Variants in C2CD5 observed in about 807,000 individuals in gnomAD.
The protein encoded by C2CD5 is C2 calcium dependent domain containing 5.
In C2CD5, 109 loss-of-function variants were observed where a neutral mutation model predicts 130.3. The ratio of observed to expected loss-of-function variants is 0.84; its 90% CI spans 0.72 to 0.98. The LOEUF (loss-of-function observed/expected upper bound fraction) is 0.98, where lower values mean the gene tolerates loss of function less well. C2CD5 is among the 50% of genes least tolerant of loss of function. The pLI is 0.00. For synonymous variants in C2CD5, 454 were observed against 429.2 expected, an observed-to-expected ratio of 1.06 and a Z score of -0.71; for missense variants, 996 against 1,261.8, an observed-to-expected ratio of 0.79 and a Z score of 3.19.
intron 22 of C2CD5, among the ~76,000 whole-genome samples, chr12:22,462,841 C>G (rs1244661480): frequency 1.3e-5 from 2 of 152,154 alleles, no homozygotes; most frequent in Non-Finnish European, 2.9e-5. Flanking sequence ...AATCTCAGCA[C>G]TTTGGGAAAC....
chr12:22,476,982 T>C (rs1943935885), intron 15 of C2CD5, among the ~76,000 whole-genome samples: 1 of 152,122 alleles, frequency 6.6e-6, no homozygotes, highest in African/African-American at 2.4e-5. Context: ...AGAGAACTTT[T>C]ACAAAGTCTA....
At position 22,456,990 on chromosome 12, in the gene C2CD5, TCTCGAATA is replaced by T; in HGVS notation, c.2850_2857del (p.Phe950LeufsTer21). 1 of 1,593,030 alleles carries T rather than the reference TCTCGAATA, an allele frequency of 6.3e-7. No homozygotes were observed. Among genetic ancestry groups the T allele is most frequent in the Non-Finnish European group, 8.6e-7 (1 of 1,167,896 alleles). On this transcript the variant is annotated frameshift_variant, in exon 25 of 27. Coordinates refer to ENST00000446597, the MANE Select transcript of C2CD5 (RefSeq NM_001286176.2). LOFTEE classifies it high-confidence loss of function. ...AATTACCTCCCGAAGAGAAGTAGTC[TCTCGAATA>T]AAAAACATGTTAATTATCCCAAGAT...
At chr12:22,450,095 A>C (rs1178310488) in intron 26 of C2CD5, among the ~76,000 whole-genome samples, 1 of 152,136 alleles carries the variant, frequency 6.6e-6, no homozygotes, top group Non-Finnish European at 1.5e-5. Flanking sequence ...TGAACATATG[A>C]AAACATATTC....
At chr12:22,534,437 A>C (rs1449546125) in intron 3 of C2CD5, among the ~76,000 whole-genome samples, 2 of 152,226 alleles carry the variant, frequency 1.3e-5, no homozygotes, top group Non-Finnish European at 2.9e-5. Context: ...AAGTAAAAAG[A>C]CAACCTATTG....
intron 8 of C2CD5, among the ~76,000 whole-genome samples, chr12:22,513,786 G>T (rs573248674): frequency 2.6e-5 from 4 of 152,108 alleles, no homozygotes; most frequent in Admixed American, 6.5e-5. Flanking sequence ...TAAATATAGA[G>T]ACAAAAGCAC....
chr12:22,512,399 A>G (rs192736227), intron 9 of C2CD5, among the ~76,000 whole-genome samples: 14 of 152,296 alleles, frequency 9.2e-5, no homozygotes, highest in African/African-American at 2.9e-4. Flanking sequence ...TCCAAATCAG[A>G]CATAATGAAA....
intron 7 of C2CD5, among the ~76,000 whole-genome samples, chr12:22,520,811 T>C (rs1006321669): frequency 1.3e-5 from 2 of 152,110 alleles, no homozygotes; most frequent in Non-Finnish European, 2.9e-5. Context: ...AAGGGATTTA[T>C]AGTGTGCATG....
Position 22,527,766 on chromosome 12 carries a change from C to A in C2CD5, c.304G>T (p.Ala102Ser). ...DIDPLLYSEA[A>S]TVISGWFPIY... is the part of the protein sequence containing the mutation. ...GGAAACCATCCTGAGATGACTGTTG[C>A]AGCTTCACTATACAGTAAAGGATCA... is the stretch of plus-strand genomic sequence containing the variant. Residue 102 changes from alanine to serine, a missense_variant, in exon 4 of 27, where the codon GCA becomes TCA. Physicochemically the swap from Ala to Ser is moderately conservative, Grantham distance 99. Around this residue, in one of 9 missense-constraint regions of C2CD5, gnomAD observed 68 missense variants for 154.5 expected, o/e 0.44. Coordinates refer to ENST00000446597, the MANE Select transcript of C2CD5 (RefSeq NM_001286176.2). 2 of 1,598,224 alleles carry A rather than the reference C, an allele frequency of 1.3e-6. No homozygotes were observed. The highest frequency in any genetic ancestry group is 1.7e-6 in the Non-Finnish European group (2 of 1,169,032).
At chr12:22,507,275 AG>A (rs1948668344) in intron 9 of C2CD5, among the ~76,000 whole-genome samples, 1 of 152,214 alleles carries the variant, frequency 6.6e-6, no homozygotes, top group Admixed American at 6.5e-5. Flanking sequence ...TCTAAATGAA[AG>A]TGGGACCAAA....
intron 24 of C2CD5, 25 bp downstream of exon 24, chr12:22,458,459 T>TA: frequency 1.9e-6 from 2 of 1,065,814 alleles, no homozygotes; most frequent in Non-Finnish European, 2.4e-6. Context: ...CAGATTATCA[T>TA]AATGTGGTAG....
chr12:22,529,713 G>T (rs1951039686), intron 3 of C2CD5, among the ~76,000 whole-genome samples: 1 of 152,086 alleles, frequency 6.6e-6, no homozygotes, highest in Admixed American at 6.6e-5. Context: ...AGCCTCCCTT[G>T]CAACTAAATG....
intron 12 of C2CD5, 62 bp from the exon 13 acceptor site, chr12:22,484,950 AT>A (rs1363659445): frequency 2.6e-6 from 2 of 765,086 alleles, no homozygotes; most frequent in Non-Finnish European, 3.9e-6. Flanking sequence ...TTCAAAAATA[AT>A]TATGTAACTG....
intron 7 of C2CD5, among the ~76,000 whole-genome samples, chr12:22,520,512 T>G (rs1431981072): frequency 6.6e-6 from 1 of 152,130 alleles, no homozygotes; most frequent in Admixed American, 6.5e-5. Flanking sequence ...TAAAAGGTAT[T>G]TACTATAATG....
chr12:22,518,249 T>G, intron 7 of C2CD5, 112 bp from the exon 8 acceptor site: 2 of 986,454 alleles, frequency 2.0e-6, no homozygotes, highest in South Asian at 2.6e-5. Flanking sequence ...CAGTCATTTC[T>G]TACGTGTGGA....
intron 9 of C2CD5, among the ~76,000 whole-genome samples, chr12:22,511,732 GT>G (rs749941374): frequency 6.6e-6 from 1 of 152,138 alleles, no homozygotes; most frequent in African/African-American, 2.4e-5. Context: ...AAGTGAGATG[GT>G]TTTTAAAGAT....
At chr12:22,518,920 T>C (rs1950017711) in intron 7 of C2CD5, 2 of 415,188 alleles carry the variant, frequency 4.8e-6, no homozygotes, top group Admixed American at 4.2e-5. Flanking sequence ...GCTGGAAGAA[T>C]ACCTTCACTT....
intron 8 of C2CD5, among the ~76,000 whole-genome samples, chr12:22,514,637 A>G (rs958575054): frequency 6.6e-6 from 1 of 152,152 alleles, no homozygotes; most frequent in Non-Finnish European, 1.5e-5. Flanking sequence ...CAACATGATG[A>G]CACAGGTCCA....
chr12:22,495,157 C>G (rs1427425387), intron 10 of C2CD5, among the ~76,000 whole-genome samples: 13 of 152,064 alleles, frequency 8.5e-5, no homozygotes. Flanking sequence ...CTACTGTTTA[C>G]TTTTTAAACC....
At chr12:22,533,059 T>C (rs1454965032) in intron 3 of C2CD5, among the ~76,000 whole-genome samples, 1 of 152,078 alleles carries the variant, frequency 6.6e-6, no homozygotes, top group African/African-American at 2.4e-5. Context: ...TATTACACGC[T>C]CTTCTGGGCG....
Sources: gnomAD v4.1 joint callset for allele counts (sites outside exome capture counted in the v4.1 genomes callset) on GRCh38, gnomAD v4.1.1 for gene constraint, gnomAD v4.1.1 regional missense constraint, MANE v1.5 for transcripts, NCBI Gene and HGNC (gene_info 2026-07-23, HGNC 2026-07-21) for gene names.